The following SPART variants were observed in gnomAD, a reference collection of about 807,000 sequenced individuals.
SPART encodes the protein spartin, also known as spastic paraplegia 20 (Troyer syndrome).
SPART carries 35 observed loss-of-function variants against 58.7 expected under a neutral mutation model. That is an observed-to-expected ratio of 0.60 (90% CI 0.46 to 0.79). The LOEUF (loss-of-function observed/expected upper bound fraction) is 0.79, where lower values mean the gene tolerates loss of function less well. Ranked by LOEUF, SPART falls within the 30% of genes least tolerant of loss-of-function variation. The pLI, the probability that SPART is intolerant of heterozygous loss-of-function variation, is 0.00. For synonymous variants in SPART, 284 were observed against 280.7 expected (o/e 1.01, Z -0.12); for missense variants, 730 against 786.1 (o/e 0.93, Z 0.85).
intron 1 of SPART, chr13:36,368,347 C>A (rs562352361): frequency 3.9e-6 from 1 of 253,584 alleles, no homozygotes; most frequent in South Asian, 4.0e-5. Flanking sequence ...AAAAAAGGTA[C>A]AGAAAGAATG....
intron 2 of SPART, among the ~76,000 whole-genome samples, chr13:36,333,978 A>G (rs1298463930): frequency 6.6e-6 from 1 of 152,206 alleles, no homozygotes; most frequent in East Asian, 1.9e-4. Flanking sequence ...GTCTTTAAAC[A>G]ACTTTCAAGT....
At chr13:36,341,154 C>T (rs1460200695) in intron 1 of SPART, among the ~76,000 whole-genome samples, 2 of 152,068 alleles carry the variant, frequency 1.3e-5, no homozygotes, top group African/African-American at 4.8e-5. Context: ...AAAAATGATA[C>T]AAGCTGACTT....
At chr13:36,338,975 TCA>T (rs1884292190) in intron 1 of SPART, among the ~76,000 whole-genome samples, 1 of 151,352 alleles carries the variant, frequency 6.6e-6, no homozygotes, top group African/African-American at 2.4e-5. Flanking sequence ...ACGCACACAC[TCA>T]CACACAGACA....
rs946360306 is a variant in SPART at position 36,302,814 on chromosome 13, A to C, written c.*1551T>G. Reference sequence around the variant, plus strand: ...TGTAGTCACCCTGTTGGGCTATCAAATACTACAACAAATTCGTTCTAACTA... The same window carrying C: ...TGTAGTCACCCTGTTGGGCTATCAACTACTACAACAAATTCGTTCTAACTA... On this transcript the variant is annotated 3_prime_UTR_variant, in exon 9 of 9. Coordinates refer to ENST00000438666, the MANE Select transcript of SPART (RefSeq NM_015087.5). 21 of 152,190 alleles carry C rather than the reference A, an allele frequency of 1.4e-4. No individual in the cohort carries two copies. Among genetic ancestry groups the C allele is most frequent in the Admixed American group, 7.9e-4 (12 of 15,286 alleles). The allele number at this position is 152,190 out of a possible 1,614,324, so 9.4% of individuals were successfully genotyped here. A position where few individuals can be genotyped will look rare whatever the true frequency, so the allele number is the denominator to read the frequency against.
At position 36,335,717 on chromosome 13, in the gene SPART, C is replaced by T. The variant is rs1431727833; in HGVS notation, c.114G>A (p.Gln38=). 6.2e-7 allele frequency: 1 copy of T among 1,614,166 alleles called. No homozygotes were observed. Among genetic ancestry groups the T allele is most frequent in the African/African-American group, 1.3e-5 (1 of 75,052 alleles). The stretch of plus-strand genomic sequence containing the variant: ...TATAGTAGTTCTTTGCTTCTTCCTT[C>T]TGACCTAATTCATCTGTATTCAGAC... ...NKGLNTDELG[Q]KEEAKNYYKQ... The change falls in exon 2 of 9, where the codon CAG becomes CAA. Residue 38 remains glutamine (Q), a synonymous_variant. Coordinates refer to ENST00000438666, the MANE Select transcript of SPART (RefSeq NM_015087.5).
At chr13:36,339,728 T>C (rs1278193056) in intron 1 of SPART, among the ~76,000 whole-genome samples, 1 of 149,500 alleles carries the variant, frequency 6.7e-6, no homozygotes, top group Non-Finnish European at 1.5e-5. Context: ...AAAGAAATAA[T>C]TCATAGAATT....
intron 6 of SPART, chr13:36,313,996 G>A (rs1881405071): frequency 1.1e-5 from 6 of 551,030 alleles, no homozygotes; most frequent in South Asian, 4.6e-5. Flanking sequence ...TGCAGATTCT[G>A]AATCAGTAGG....
intron 5 of SPART, among the ~76,000 whole-genome samples, chr13:36,318,393 T>A (rs1881966031): frequency 6.6e-6 from 1 of 152,118 alleles, no homozygotes; most frequent in African/African-American, 2.4e-5. Context: ...AGTTCATGAC[T>A]TGTTTGGCAA....
intron 6 of SPART, chr13:36,313,957 A>G (rs879817378): frequency 1.6e-4 from 75 of 473,168 alleles, no homozygotes; most frequent in African/African-American, 8.6e-4. Context: ...TAATGTGCAA[A>G]TAAGAATCAC....
intron 6 of SPART, chr13:36,313,927 T>G (rs1048654018): frequency 6.9e-5 from 28 of 407,418 alleles, no homozygotes; most frequent in Non-Finnish European, 1.1e-4. Context: ...GAACAACCCT[T>G]TAACCAGTTT....
At chr13:36,320,211 T>C (rs1418687364) in intron 5 of SPART, among the ~76,000 whole-genome samples, 2 of 152,174 alleles carry the variant, frequency 1.3e-5, no homozygotes, top group Non-Finnish European at 1.5e-5. Flanking sequence ...CTGACGCATA[T>C]ACTTTCTGCT....
chr13:36,306,392 G>A (rs1474833268), intron 8 of SPART, among the ~76,000 whole-genome samples: 1 of 152,120 alleles, frequency 6.6e-6, no homozygotes, highest in East Asian at 1.9e-4. Context: ...GAAAAACAGT[G>A]ACCGTAACTC....
At chr13:36,313,866 C>A in intron 6 of SPART, 1 of 281,768 alleles carries the variant, frequency 3.5e-6, no homozygotes, top group Non-Finnish European at 6.8e-6. Context: ...CATGACTTTA[C>A]ATTCAGAACT....
intron 5 of SPART, among the ~76,000 whole-genome samples, chr13:36,323,181 C>A (rs777528495): frequency 5.3e-5 from 8 of 152,142 alleles, no homozygotes; most frequent in Non-Finnish European, 1.0e-4. Flanking sequence ...TTCCAGAGTC[C>A]ATCTGTAAAT....
intron 2 of SPART, 103 bp downstream of exon 2, chr13:36,334,918 T>G: frequency 2.3e-6 from 2 of 881,764 alleles, no homozygotes; most frequent in South Asian, 3.0e-5. Flanking sequence ...GTAGAATTTG[T>G]CGTTATCTTT....
At chr13:36,320,080 A>G (rs1182853705) in intron 5 of SPART, among the ~76,000 whole-genome samples, 1 of 152,120 alleles carries the variant, frequency 6.6e-6, no homozygotes, top group African/African-American at 2.4e-5. Flanking sequence ...CCTAGCCCTC[A>G]TGTCTGCGTG....
At chr13:36,326,043 A>ACTG (rs1882898010) in intron 5 of SPART, 1 of 153,796 alleles carries the variant, frequency 6.5e-6, no homozygotes, top group Non-Finnish European at 1.4e-5. Context: ...ACACCTTCTT[A>ACTG]CTGCTTCCTC....
intron 1 of SPART, among the ~76,000 whole-genome samples, chr13:36,345,103 T>G (rs959145262): frequency 6.6e-6 from 1 of 152,232 alleles, no homozygotes; most frequent in Non-Finnish European, 1.5e-5. Context: ...CGCATTTAAC[T>G]CCTTAGAGCT....
chr13:36,369,916 A>G (rs577844851), intron 1 of SPART, among the ~76,000 whole-genome samples: 73 of 152,306 alleles, frequency 4.8e-4, no homozygotes, highest in African/African-American at 1.7e-3. Context: ...TAAAATACAC[A>G]ATAGAACTTT....
Sources: gnomAD v4.1 joint callset for allele counts (sites outside exome capture counted in the v4.1 genomes callset) on GRCh38, gnomAD v4.1.1 for gene constraint, MANE v1.5 for transcripts, NCBI Gene and HGNC (gene_info 2026-07-23, HGNC 2026-07-21) for gene names.